Variants in EFNA5 observed in about 807,000 individuals in gnomAD.
EFNA5 encodes ephrin-A5.
Under a neutral mutation model 22.9 loss-of-function variants are expected in EFNA5, and 5 were observed. The ratio of observed to expected loss-of-function variants is 0.22; its 90% CI spans 0.11 to 0.46. The LOEUF is 0.46. EFNA5 is among the 20% of genes least tolerant of loss of function. The pLI, the probability that EFNA5 is intolerant of heterozygous loss-of-function variation, is 0.99. For synonymous variants in EFNA5, 113 were observed against 112.2 expected, an observed-to-expected ratio of 1.01 and a Z score of -0.04; for missense variants, 237 against 293.3, an observed-to-expected ratio of 0.81 and a Z score of 1.40.
chr5:107,631,671 T>G (rs1750256794), intron 1 of EFNA5, among the ~76,000 whole-genome samples: 1 of 152,158 alleles, frequency 6.6e-6, no homozygotes, highest in Non-Finnish European at 1.5e-5. Flanking sequence ...CTTATTAAAT[T>G]ATCTTTATAG....
In EFNA5 at chr5:107,472,290, G is replaced by A. The variant is rs574568700; in HGVS notation, c.126-44781C>T. On this transcript the variant is annotated intron_variant, in intron 1 of 4. Coordinates refer to ENST00000333274, the MANE Select transcript of EFNA5 (RefSeq NM_001962.3). ...ATTACATGTTTTGTCACTAGGTTAC[G>A]ATGGCGTCATCAAATATTTTTATCG... Among the ~76,000 whole-genome samples, 8 of 152,242 alleles carry A rather than the reference G, an allele frequency of 5.3e-5. No individual in the cohort carries two copies. The South Asian group carries it at 8.3e-4, about 16-fold the overall frequency.
At chr5:107,482,034 G>A (rs1420494927) in intron 1 of EFNA5, among the ~76,000 whole-genome samples, 1 of 152,102 alleles carries the variant, frequency 6.6e-6, no homozygotes, top group African/African-American at 2.4e-5. Context: ...TGCTGGCTGG[G>A]CGTAGTGGCT....
chr5:107,494,835 C>T (rs1397214037), intron 1 of EFNA5, among the ~76,000 whole-genome samples: 1 of 151,738 alleles, frequency 6.6e-6, no homozygotes, highest in Non-Finnish European at 1.5e-5. Flanking sequence ...TTTGTAAACA[C>T]ACCAATCAGC....
intron 1 of EFNA5, among the ~76,000 whole-genome samples, chr5:107,661,334 A>G (rs558837621): frequency 5.9e-5 from 9 of 152,290 alleles, no homozygotes; most frequent in African/African-American, 2.2e-4. Context: ...CCAAAGAAAC[A>G]TTTTCATAAA....
At chr5:107,503,810 TA>T (rs1747193524) in intron 1 of EFNA5, among the ~76,000 whole-genome samples, 1 of 152,186 alleles carries the variant, frequency 6.6e-6, no homozygotes, top group Admixed American at 6.6e-5. Context: ...AAAAGGCCAT[TA>T]AAAAATTAAA....
intron 1 of EFNA5, among the ~76,000 whole-genome samples, chr5:107,527,528 A>T (rs911169370): frequency 1.3e-5 from 2 of 151,500 alleles, no homozygotes; most frequent in South Asian, 2.1e-4. Flanking sequence ...CTTGTGATCC[A>T]CCCGCCTCAG....
chr5:107,395,048 T>TTTTTTTTTTTTC (rs1366387830), intron 2 of EFNA5, among the ~76,000 whole-genome samples: 1 of 141,782 alleles, frequency 7.1e-6, no homozygotes, highest in Non-Finnish European at 1.5e-5. Context: ...TTTTTTTTTT[T>TTTTTTTTTTTTC]TTTTCCGCGA....
chr5:107,571,094 C>A (rs1209483610), intron 1 of EFNA5, among the ~76,000 whole-genome samples: 1 of 152,130 alleles, frequency 6.6e-6, no homozygotes, highest in Non-Finnish European at 1.5e-5. Context: ...GAGAACTAAT[C>A]CAAGAATGGG....
intron 2 of EFNA5, among the ~76,000 whole-genome samples, chr5:107,410,638 A>G (rs1748343086): frequency 2.0e-5 from 3 of 152,256 alleles, no homozygotes; most frequent in Admixed American, 6.5e-5. Flanking sequence ...AATACACAGT[A>G]TCATATTTAA....
intron 1 of EFNA5, among the ~76,000 whole-genome samples, chr5:107,486,070 C>G (rs570388029): frequency 2.4e-4 from 37 of 152,186 alleles, no homozygotes; most frequent in African/African-American, 8.9e-4. Flanking sequence ...ATGAGTGTCT[C>G]GCAGGTGAAA....
intron 2 of EFNA5, among the ~76,000 whole-genome samples, chr5:107,422,809 CACTGCTCT>C (rs1748707392): frequency 6.6e-6 from 1 of 152,114 alleles, no homozygotes; most frequent in African/African-American, 2.4e-5. Flanking sequence ...GGCTGTGAGG[CACTGCTCT>C]GTCAGTGCCA....
intron 2 of EFNA5, among the ~76,000 whole-genome samples, chr5:107,399,719 C>T (rs972149842): frequency 6.6e-6 from 1 of 152,148 alleles, no homozygotes; most frequent in East Asian, 1.9e-4. Context: ...AACATAACCC[C>T]CCAAACTGTG....
At chr5:107,618,142 A>G (rs1749962115) in intron 1 of EFNA5, among the ~76,000 whole-genome samples, 1 of 152,214 alleles carries the variant, frequency 6.6e-6, no homozygotes, top group Non-Finnish European at 1.5e-5. Flanking sequence ...CTTTATGTGC[A>G]TAGTATATAT....
intron 1 of EFNA5, among the ~76,000 whole-genome samples, chr5:107,622,803 T>G (rs1023907492): frequency 1.3e-5 from 2 of 151,524 alleles, no homozygotes; most frequent in African/African-American, 4.9e-5. Context: ...GGGTGGATCA[T>G]GAGGTCAGGA....
intron 1 of EFNA5, among the ~76,000 whole-genome samples, chr5:107,519,630 T>A (rs1328991567): frequency 6.6e-6 from 1 of 152,014 alleles, no homozygotes. Flanking sequence ...ACGATTGTTG[T>A]TTCTTTGGGG....
intron 2 of EFNA5, among the ~76,000 whole-genome samples, chr5:107,402,948 T>G (rs1438562962): frequency 6.6e-6 from 1 of 152,188 alleles, no homozygotes; most frequent in Non-Finnish European, 1.5e-5. Flanking sequence ...CGTAGGCTAC[T>G]GCAAATAAAA....
At chr5:107,460,831 T>C (rs893841146) in intron 1 of EFNA5, among the ~76,000 whole-genome samples, 1 of 152,196 alleles carries the variant, frequency 6.6e-6, no homozygotes, top group African/African-American at 2.4e-5. Flanking sequence ...GCTAGAGGAA[T>C]ATGCCTATGT....
chr5:107,649,160 C>G (rs1750682180), intron 1 of EFNA5, among the ~76,000 whole-genome samples: 1 of 152,046 alleles, frequency 6.6e-6, no homozygotes, highest in Non-Finnish European at 1.5e-5. Flanking sequence ...AAGAGATCGA[C>G]TAATTCAATC....
At chr5:107,430,774 C>CTTTTTTTTT (rs869266799) in intron 1 of EFNA5, among the ~76,000 whole-genome samples, 6 of 20,290 alleles carry the variant, frequency 3.0e-4, no homozygotes, top group Non-Finnish European at 5.1e-4. Context: ...TTCTTTCTTT[C>CTTTTTTTTT]TTTTTTTTTT....
Sources: gnomAD v4.1 joint callset for allele counts (sites outside exome capture counted in the v4.1 genomes callset) on GRCh38, gnomAD v4.1.1 for gene constraint, MANE v1.5 for transcripts, NCBI Gene and HGNC (gene_info 2026-07-23, HGNC 2026-07-21) for gene names.